Variants in VBP1 observed in about 807,000 individuals in gnomAD.
VBP1 encodes VHL binding protein 1.
Under a neutral mutation model 15.5 loss-of-function variants are expected in VBP1, and 4 were observed. The observed-to-expected ratio is 0.26, with a 90% CI of 0.13 to 0.59. The LOEUF (loss-of-function observed/expected upper bound fraction) is 0.59. Among genes scored for constraint, VBP1 ranks in the 20% least tolerant of loss-of-function variants. VBP1 has a pLI of 0.90. For missense variants in VBP1, 108 were observed against 139.6 expected, an observed-to-expected ratio of 0.77 and a Z score of 1.14; for synonymous variants, 61 against 52.1, an observed-to-expected ratio of 1.17 and a Z score of -0.74.
chrX:155,222,042 G>A (rs1362432295), intron 2 of VBP1, among the ~76,000 whole-genome samples: 2 of 112,574 alleles, frequency 1.8e-5, no homozygotes, highest in Non-Finnish European at 3.8e-5. Context: ...GTTAGAATAT[G>A]GCATTTTTCT....
upstream of VBP1, among the ~76,000 whole-genome samples, chrX:155,214,718 A>G (rs1304682623): frequency 9.4e-6 from 1 of 106,934 alleles, no homozygotes; most frequent in Admixed American, 1.0e-4. Flanking sequence ...TAGTCAGGTA[A>G]TAGCTAGATT....
intron 1 of VBP1, among the ~76,000 whole-genome samples, chrX:155,203,872 C>T (rs1192772085): frequency 8.9e-6 from 1 of 111,914 alleles, no homozygotes; most frequent in Non-Finnish European, 1.9e-5. Flanking sequence ...ACATAGTATA[C>T]AAAGTATATA....
intron 1 of VBP1, among the ~76,000 whole-genome samples, chrX:155,208,337 A>T (rs1314208222): frequency 8.9e-6 from 1 of 112,435 alleles, no homozygotes; most frequent in African/African-American, 3.2e-5. Flanking sequence ...TTCTAGTTCC[A>T]CCTACGTCCT....
chrX:155,221,353 T>A (rs1218687268), intron 2 of VBP1, among the ~76,000 whole-genome samples: 1 of 108,485 alleles, frequency 9.2e-6, no homozygotes, highest in Non-Finnish European at 1.9e-5. Flanking sequence ...TAGTAATAAT[T>A]AGCTGGGTAT....
In VBP1 at chrX:155,236,293, C is replaced by T; in HGVS notation, c.449C>T (p.Thr150Ile). ...AQALLEKNLSTATKNLDSLEE... is the reference protein window; with the variant it reads ...AQALLEKNLSIATKNLDSLEE... ...GCATTGTTGGAAAAGAATTTATCGA[C>T]TGCCACAAAGAATCTTGATTCCCTG... The change falls in exon 5 of 6, where the codon ACT becomes ATT. Residue 150 changes from threonine to isoleucine, a missense_variant. Physicochemically the swap from Thr to Ile is moderately conservative, Grantham distance 89 (BLOSUM62 -1). Transcript: ENST00000286428. 1.7e-6 allele frequency: 2 copies of T among 1,211,127 alleles called. No individual in the cohort carries two copies. The highest frequency in any genetic ancestry group is 2.2e-6 in the Non-Finnish European group (2 of 894,891).
rs781954951 is a variant in VBP1 at position 155,224,155 on chromosome X, C to T, written c.219-3080C>T. Reference sequence around the variant, plus strand: ...GCAGAGGGGCTCCTCACATCCCAGACGATGGGCGGCCAGGCAGAGACGCTC... The same window carrying T: ...GCAGAGGGGCTCCTCACATCCCAGATGATGGGCGGCCAGGCAGAGACGCTC... On this transcript the variant is annotated intron_variant, in intron 2 of 5. Transcript: ENST00000286428. Among the ~76,000 whole-genome samples, 16 of 105,073 alleles carry T rather than the reference C, an allele frequency of 1.5e-4. No homozygotes were observed. The South Asian group carries it at 3.0e-3, about 19-fold the overall frequency. 91.2% of individuals were successfully genotyped at this position (105,073 alleles called of 115,157 possible).
intron 4 of VBP1, among the ~76,000 whole-genome samples, chrX:155,231,442 T>C: frequency 8.9e-6 from 1 of 112,552 alleles, no homozygotes; most frequent in Non-Finnish European, 1.9e-5. Flanking sequence ...TCTTGTATTG[T>C]TTTCCTTCAA....
At chrX:155,231,030 A>C (rs951239509) in intron 4 of VBP1, among the ~76,000 whole-genome samples, 5 of 112,083 alleles carry the variant, frequency 4.5e-5, no homozygotes, top group Admixed American at 2.8e-4. Flanking sequence ...TTCTTGCCAG[A>C]CTTAGAGCAT....
intron 2 of VBP1, among the ~76,000 whole-genome samples, chrX:155,224,629 C>T (rs1557310062): frequency 9.0e-6 from 1 of 111,612 alleles, no homozygotes; most frequent in Non-Finnish European, 1.9e-5. Flanking sequence ...TGAGGCTAGC[C>T]TTTTTCTTTG....
chrX:155,216,654 C>T (rs954068368), intron 1 of VBP1, 79 bp downstream of exon 1: 146 of 1,138,627 alleles, frequency 1.3e-4, no homozygotes, highest in Non-Finnish European at 1.6e-4. Flanking sequence ...ACCCAGGCCT[C>T]GACTGTTGGA....
rs148981599 is a variant in VBP1 at position 155,220,227 on chromosome X, A to C, written c.138A>C (p.Ala46=). 345 of 1,198,491 alleles carry C rather than the reference A, an allele frequency of 2.9e-4. No homozygotes were observed. In the African/African-American group the frequency reaches 5.5e-3, roughly 19 times the overall value. Residue 46 remains alanine (A), a synonymous_variant, in exon 2 of 6, where the codon GCA becomes GCC. Transcript: ENST00000286428. ...SFMKQPGNET[A]DTVLKKLDEQ... Reference sequence around the variant, plus strand: ...TGAAACAGCCTGGGAATGAGACTGCAGATACAGTATTAAAGAAGCTGGATG... The same window carrying C: ...TGAAACAGCCTGGGAATGAGACTGCCGATACAGTATTAAAGAAGCTGGATG...
chrX:155,235,034 C>T (rs1211149676), intron 4 of VBP1, among the ~76,000 whole-genome samples: 1 of 111,210 alleles, frequency 9.0e-6, no homozygotes, highest in Non-Finnish European at 1.9e-5. Flanking sequence ...GCTCAAAGGA[C>T]TTTTGGGTCA....
intron 2 of VBP1, among the ~76,000 whole-genome samples, chrX:155,223,088 T>C (rs1466881219): frequency 9.2e-6 from 1 of 109,222 alleles, no homozygotes; most frequent in Non-Finnish European, 1.9e-5. Context: ...AGCAGATGGC[T>C]CTATGTAGTT....
intron 1 of VBP1, among the ~76,000 whole-genome samples, chrX:155,217,203 A>G (rs1373941339): frequency 9.0e-6 from 1 of 111,574 alleles, no homozygotes; most frequent in Non-Finnish European, 1.9e-5. Flanking sequence ...CTAACAACTT[A>G]GTGGAGAATG....
chrX:155,210,273 C>T (rs1305576252), intron 2 of VBP1, among the ~76,000 whole-genome samples: 2 of 110,653 alleles, frequency 1.8e-5, no homozygotes, highest in African/African-American at 6.6e-5. Flanking sequence ...CATTGCGAGG[C>T]CCCATCTCTA....
intron 5 of VBP1, 51 bp downstream of exon 5, chrX:155,236,418 TA>T: frequency 8.6e-7 from 1 of 1,159,245 alleles, no homozygotes; most frequent in Non-Finnish European, 1.2e-6. Flanking sequence ...AAGATTTTTT[TA>T]AAAAAACATT....
chrX:155,233,412 A>G (rs377074566), intron 4 of VBP1, among the ~76,000 whole-genome samples: 12 of 111,965 alleles, frequency 1.1e-4, no homozygotes, highest in African/African-American at 3.9e-4. Flanking sequence ...AGTCTTTCTT[A>G]CACTTTAGAT....
intron 1 of VBP1, among the ~76,000 whole-genome samples, chrX:155,198,721 C>A (rs782140843): frequency 2.7e-5 from 3 of 110,300 alleles, no homozygotes; most frequent in Non-Finnish European, 5.7e-5. Flanking sequence ...TCCAAAGGAA[C>A]GCAGTTCCTC....
chrX:155,237,564 G>T (rs1463525587), intron 5 of VBP1, among the ~76,000 whole-genome samples: 2 of 111,333 alleles, frequency 1.8e-5, no homozygotes, highest in Non-Finnish European at 3.8e-5. Context: ...TCATGCCACT[G>T]ACCTCTTCTT....
Sources: allele counts gnomAD v4.1 joint callset (sites outside exome capture counted in the v4.1 genomes callset), GRCh38; gene constraint gnomAD v4.1.1; transcripts MANE v1.5; gene names NCBI Gene and HGNC (gene_info 2026-07-23, HGNC 2026-07-21).